ARHGAP29: variants seen among roughly 807,000 people sequenced by gnomAD.
ARHGAP29 encodes Rho GTPase activating protein 29.
A neutral mutation model predicts 122.6 loss-of-function variants in ARHGAP29; 43 were observed. The observed-to-expected ratio is 0.35, with a 90% CI of 0.27 to 0.45. ARHGAP29 has a LOEUF of 0.45. Ranked by LOEUF, ARHGAP29 falls within the 20% of genes least tolerant of loss-of-function variation. ARHGAP29 has a pLI of 1.00. For missense variants in ARHGAP29, 1,303 were observed against 1,477.2 expected (o/e 0.88, Z 1.93); for synonymous variants, 506 against 497.1 (o/e 1.02, Z -0.24).
chr1:94,265,025 CTT>C lies in ARHGAP29; in HGVS notation c.-33+9985_-33+9986del, dbSNP rs576088205. ...CCAGTGAGAAACTGATACTTCAAGA[CTT>C]TGCTTCAGAATATGAAAGGAGTGTA... On this transcript the variant is annotated intron_variant and NMD_transcript_variant, in intron 1 of 25. Coordinates refer to the ARHGAP29 transcript ENST00000552844. 4.9e-3 allele frequency among the ~76,000 whole-genome samples: 752 copies of C among 152,306 alleles called. 3 individuals carry two copies. The highest frequency in any genetic ancestry group is 8.2e-3 in the Non-Finnish European group (556 of 68,032).
Position 94,220,402 on chromosome 1 carries a change from G to GA in ARHGAP29, c.206-11dup, listed in dbSNP as rs149426255. 598 of 1,531,366 alleles carry GA rather than the reference G, an allele frequency of 3.9e-4. No homozygotes were observed. Among genetic ancestry groups the GA allele is most frequent in the Admixed American group, 5.2e-4 (25 of 47,820 alleles). The allele number at this position is 1,531,366 out of a possible 1,614,324, so 94.9% of individuals were successfully genotyped here. A position where few individuals can be genotyped will look rare whatever the true frequency, so the allele number is the denominator to read the frequency against. ...ACTTCTTTAAAACAGTCTTTAAAAA[G>GA]AAAAAAAAATAATTTATTTCCAGAG... On this transcript the variant is annotated splice_polypyrimidine_tract_variant and intron_variant, in intron 2 of 22. Transcript: ENST00000260526.
chr1:94,308,006 ACT>A, the ARHGAP29 span, among the ~76,000 whole-genome samples: 1 of 151,986 alleles, frequency 6.6e-6, no homozygotes, highest in Non-Finnish European at 1.5e-5. Flanking sequence ...GATTAACATT[ACT>A]CTCTGTCCCT....
In ARHGAP29 at chr1:94,184,258, T is replaced by G; in HGVS notation, c.2140A>C (p.Lys714Gln). 1 of 1,611,842 alleles carries G rather than the reference T, an allele frequency of 6.2e-7. No homozygotes were observed. Among genetic ancestry groups the G allele is most frequent in the Non-Finnish European group, 8.5e-7 (1 of 1,179,348 alleles). The change falls in exon 19 of 23, where the codon AAA becomes CAA. Residue 714 changes from lysine to glutamine, a missense_variant. This residue lies in a region of ARHGAP29 where 620 missense variants were observed against 651.2 expected (regional missense o/e 0.95). Transcript: ENST00000260526. ...GIYRVCGNKI[K>Q]TEKLCQALEN... ...AAAGCTTGACACAATTTTTCAGTTT[T>G]TATTTTGTTTCCACACACACGATAA...
chr1:94,183,838 G>C (rs189930310), intron 19 of ARHGAP29, among the ~76,000 whole-genome samples: 2 of 152,276 alleles, frequency 1.3e-5, no homozygotes, highest in Admixed American at 1.3e-4. Context: ...AGAAGAGAGA[G>C]AGTTATGATT....
At chr1:94,267,189 A>G (rs1037655827) in intron 1 of ARHGAP29, among the ~76,000 whole-genome samples, 2 of 152,176 alleles carry the variant, frequency 1.3e-5, no homozygotes, top group African/African-American at 4.8e-5. Context: ...TGGACTGTTA[A>G]AGTAGAAAAC....
chr1:94,264,605 C>G (rs1191331182), intron 1 of ARHGAP29, among the ~76,000 whole-genome samples: 2 of 152,236 alleles, frequency 1.3e-5, no homozygotes, highest in East Asian at 1.9e-4. Flanking sequence ...TGCCATCAAG[C>G]TGATATTTGC....
Position 94,170,166 on chromosome 1 carries a change from A to C in ARHGAP29, c.*3703T>G, listed in dbSNP as rs1259888896. On this transcript the variant is annotated 3_prime_UTR_variant, in exon 23 of 23. Coordinates refer to ENST00000260526, the MANE Select transcript of ARHGAP29 (RefSeq NM_004815.4). ...TCCTCACAAATTACTTCCTAATTCTAATTTTACAATGGAGAAACCTGGTAT... is the reference window on the plus strand; with the variant it reads ...TCCTCACAAATTACTTCCTAATTCTCATTTTACAATGGAGAAACCTGGTAT... Among the ~76,000 whole-genome samples the C allele has an allele frequency of 6.6e-6, 1 of 152,238 alleles. No homozygotes were observed. The highest frequency in any genetic ancestry group is 6.5e-5 in the Admixed American group (1 of 15,288).
intron 3 of ARHGAP29, among the ~76,000 whole-genome samples, chr1:94,217,265 G>A (rs1440233161): frequency 6.6e-6 from 1 of 152,140 alleles, no homozygotes; most frequent in Admixed American, 6.5e-5. Flanking sequence ...CGGGAGCGGT[G>A]GCTCATGCCT....
chr1:94,190,760 G>T (rs564107836), intron 12 of ARHGAP29: 2 of 152,188 alleles, frequency 1.3e-5, no homozygotes, highest in African/African-American at 4.8e-5. Context: ...ACAGCAAACC[G>T]ATGAGATACT....
At chr1:94,234,724 G>A (rs1028008459) in intron 1 of ARHGAP29, among the ~76,000 whole-genome samples, 1 of 152,100 alleles carries the variant, frequency 6.6e-6, no homozygotes, top group African/African-American at 2.4e-5. Context: ...AAAATTCAAA[G>A]TGTCTTTTTT....
chr1:94,243,641 C>T (rs527898388), intron 1 of ARHGAP29, among the ~76,000 whole-genome samples: 1 of 151,722 alleles, frequency 6.6e-6, no homozygotes, highest in African/African-American at 2.4e-5. Flanking sequence ...AGCTAGAAAA[C>T]AAAGAGCAAA....
the ARHGAP29 span, among the ~76,000 whole-genome samples, chr1:94,281,806 A>G: frequency 1.3e-5 from 2 of 152,156 alleles, no homozygotes; most frequent in Non-Finnish European, 2.9e-5. Flanking sequence ...TGTGAGTAAT[A>G]AGTGCAGTTT....
intron 2 of ARHGAP29, among the ~76,000 whole-genome samples, chr1:94,221,129 T>C (rs1245731917): frequency 6.6e-6 from 1 of 152,168 alleles, no homozygotes; most frequent in African/African-American, 2.4e-5. Flanking sequence ...AAGATGACTA[T>C]ACAATTTATC....
chr1:94,304,448 T>A, the ARHGAP29 span, among the ~76,000 whole-genome samples: 4 of 152,188 alleles, frequency 2.6e-5, no homozygotes, highest in Non-Finnish European at 5.9e-5. Flanking sequence ...CCTCTACCCA[T>A]CTTTTGATGC....
chr1:94,217,549 C>T lies in ARHGAP29; in HGVS notation c.340+2709G>A, dbSNP rs564548153. Among the ~76,000 whole-genome samples, 583 of 146,326 alleles carry T rather than the reference C, an allele frequency of 4.0e-3. 6 individuals carry two copies. Among genetic ancestry groups the T allele is most frequent in the Middle Eastern group, 0.019 (5 of 270 alleles). On this transcript the variant is annotated intron_variant, in intron 3 of 22. Transcript: ENST00000260526. ...CGTCTCAAAAAAAAAAAAAAACACT[C>T]AATGATGGACTAGGTGTGGTGGCTC...
chr1:94,209,144 T>G, intron 4 of ARHGAP29, 110 bp downstream of exon 4: 1 of 904,028 alleles, frequency 1.1e-6, no homozygotes, highest in South Asian at 1.5e-5. Flanking sequence ...GAAGTTGTGA[T>G]ATTTAATACC....
the ARHGAP29 span, among the ~76,000 whole-genome samples, chr1:94,304,421 C>T: frequency 1.1e-3 from 175 of 152,306 alleles, no homozygotes; most frequent in Non-Finnish European, 1.7e-3. Context: ...ATAACAGGCG[C>T]GAGCCACCAC....
chr1:94,182,147 G>A (rs899137650), intron 19 of ARHGAP29, among the ~76,000 whole-genome samples: 1 of 151,702 alleles, frequency 6.6e-6, no homozygotes, highest in Non-Finnish European at 1.5e-5. Context: ...ATTAAAAAAG[G>A]AAGAAAGCTG....
chr1:94,169,442 G>A lies in ARHGAP29; in HGVS notation c.*4427C>T, dbSNP rs1300789817. On this transcript the variant is annotated 3_prime_UTR_variant, in exon 23 of 23. Transcript: ENST00000260526. Reference sequence around the variant, plus strand: ...CATGTCAAGAGGTTGAGGGAGGGAGGAAGAATGAACAAATTATTTAGGATT... The same window carrying A: ...CATGTCAAGAGGTTGAGGGAGGGAGAAAGAATGAACAAATTATTTAGGATT... 6.6e-6 allele frequency among the ~76,000 whole-genome samples: 1 copy of A among 152,084 alleles called. No individual in the cohort carries two copies. Among genetic ancestry groups the A allele is most frequent in the Non-Finnish European group, 1.5e-5 (1 of 68,008 alleles).
Sources: gnomAD v4.1 joint callset for allele counts (sites outside exome capture counted in the v4.1 genomes callset) on GRCh38, gnomAD v4.1.1 for gene constraint, gnomAD v4.1.1 regional missense constraint, MANE v1.5 for transcripts, NCBI Gene and HGNC (gene_info 2026-07-23, HGNC 2026-07-21) for gene names.